The following TCOF1 variants were observed in gnomAD, a reference collection of about 807,000 sequenced individuals.
TCOF1 encodes treacle protein.
In TCOF1, 33 loss-of-function variants were observed where a neutral mutation model predicts 149.0. The ratio of observed to expected loss-of-function variants is 0.22; its 90% CI spans 0.17 to 0.30. TCOF1 has a LOEUF of 0.30. Among genes scored for constraint, TCOF1 ranks in the 10% least tolerant of loss-of-function variants. The probability of loss-of-function intolerance (pLI) is 1.00; values close to 1 mark genes in which losing one functional copy is unlikely to be tolerated. For missense variants in TCOF1, 1,728 were observed against 1,840.7 expected (o/e 0.94, Z 1.12); for synonymous variants, 789 against 738.8 (o/e 1.07, Z -1.10).
chr5:150,392,813 G>A, intron 22 of TCOF1, 23 bp downstream of exon 22: 2 of 1,612,100 alleles, frequency 1.2e-6, no homozygotes, highest in Non-Finnish European at 1.7e-6. Context: ...GAGAGGACTG[G>A]CAGCCCATAG....
chr5:150,379,924 T>G, intron 17 of TCOF1, 192 bp downstream of exon 17: 3 of 614,264 alleles, frequency 4.9e-6, no homozygotes, highest in East Asian at 3.5e-5. Context: ...ATATAAAAAT[T>G]AGCTGGGCAT....
chr5:150,368,217 ACTAATAC>A, intron 4 of TCOF1: 1 of 430,704 alleles, frequency 2.3e-6, no homozygotes, highest in Non-Finnish European at 4.3e-6. Context: ...ACAGATCTTG[ACTAATAC>A]CTGTTATGTT....
chr5:150,371,201 G>A (rs1762449823), intron 6 of TCOF1, among the ~76,000 whole-genome samples: 1 of 152,140 alleles, frequency 6.6e-6, no homozygotes, highest in African/African-American at 2.4e-5. Context: ...TTACTGTGCT[G>A]CCTGGCCCAG....
In TCOF1 at chr5:150,374,744, G is replaced by C. The variant is rs1330741846; in HGVS notation, c.1211G>C (p.Gly404Ala). 6 of 1,613,184 alleles carry C rather than the reference G, an allele frequency of 3.7e-6. No homozygotes were observed. Among genetic ancestry groups the C allele is most frequent in the African/African-American group, 1.3e-5 (1 of 74,594 alleles). Residue 404 changes from glycine (G) to alanine (A), a missense_variant, in exon 9 of 27, where the codon GGG (glycine) becomes GCG (alanine). By Grantham distance (60) the Gly-to-Ala change is moderately conservative. Transcript: ENST00000643257. ...CCTGCAGTTGCCAAGGCCCAGGCGG[G>C]GAAGCGGGAGGAGGACTCGCAGAGC... The part of the protein sequence containing the change: ...TGPAVAKAQA[G>A]KREEDSQSSS...
intron 26 of TCOF1, among the ~76,000 whole-genome samples, chr5:150,399,338 C>T (rs928556660): frequency 6.6e-6 from 1 of 152,062 alleles, no homozygotes; most frequent in Non-Finnish European, 1.5e-5. Flanking sequence ...GGGGGTGTGC[C>T]CTGGGATGGA....
At chr5:150,393,024 G>T in intron 22 of TCOF1, 1 of 605,876 alleles carries the variant, frequency 1.7e-6, no homozygotes, top group South Asian at 1.9e-5. Context: ...CTGTAGAAGG[G>T]ATTGACCTTG....
chr5:150,370,845 G>A (rs944031421), intron 6 of TCOF1, among the ~76,000 whole-genome samples: 4 of 152,190 alleles, frequency 2.6e-5, no homozygotes, highest in Admixed American at 2.6e-4. Context: ...TATGGGGAAA[G>A]TGACACAAGA....
At chr5:150,398,862 G>A (rs1769161618) in intron 25 of TCOF1, among the ~76,000 whole-genome samples, 160 bp from the exon 26 acceptor site, 1 of 152,258 alleles carries the variant, frequency 6.6e-6, no homozygotes, top group Admixed American at 6.5e-5. Context: ...GGCCTCAGCT[G>A]TATTTAGGAG....
intron 18 of TCOF1, 77 bp downstream of exon 18, chr5:150,388,165 C>G: frequency 4.4e-6 from 7 of 1,586,226 alleles, no homozygotes; most frequent in Non-Finnish European, 6.0e-6. Flanking sequence ...GGACAGGACA[C>G]TGGCTGAGTC....
At chr5:150,364,014 C>G (rs1760736579) in intron 2 of TCOF1, 99 bp from the exon 3 acceptor site, 3 of 1,565,636 alleles carry the variant, frequency 1.9e-6, no homozygotes, top group East Asian at 4.5e-5. Flanking sequence ...ATGCACATTG[C>G]CTTTAAGAGC....
At chr5:150,368,285 G>A in intron 4 of TCOF1, 1 of 354,976 alleles carries the variant, frequency 2.8e-6, no homozygotes, top group Non-Finnish European at 5.3e-6. Flanking sequence ...GACATCTGTG[G>A]TTCTGAAACT....
intron 3 of TCOF1, 140 bp downstream of exon 3, chr5:150,364,392 G>A: frequency 3.0e-6 from 4 of 1,312,070 alleles, no homozygotes; most frequent in Non-Finnish European, 3.1e-6. Flanking sequence ...CATATCTTTG[G>A]CAGTATTTGA....
rs540410718 is a variant in TCOF1, at chr5:150,388,949, TAG to T, written c.3046+865_3046+866del. ...TCAAAAAAACAGAAAGCAGGCAAAATAGAGATTACTGCTGGGCATGGTGGTTC... is the reference window on the plus strand; with the variant it reads ...TCAAAAAAACAGAAAGCAGGCAAAATAGATTACTGCTGGGCATGGTGGTTC... On this transcript the variant is annotated intron_variant, in intron 18 of 26. Coordinates refer to ENST00000643257, the MANE Select transcript of TCOF1 (RefSeq NM_001371623.1). 8.4e-4 allele frequency among the ~76,000 whole-genome samples: 128 copies of T among 151,660 alleles called. 1 individual carries two copies. The South Asian group carries it at 0.011, about 13-fold the overall frequency.
At chr5:150,373,757 C>A (rs1419939082) in intron 7 of TCOF1, among the ~76,000 whole-genome samples, 2 of 152,156 alleles carry the variant, frequency 1.3e-5, no homozygotes, top group Non-Finnish European at 2.9e-5. Flanking sequence ...CTTTGCACAC[C>A]CCCTCCCCAC....
intron 14 of TCOF1, among the ~76,000 whole-genome samples, chr5:150,377,069 G>A (rs1763978498): frequency 6.6e-6 from 1 of 152,236 alleles, no homozygotes; most frequent in African/African-American, 2.4e-5. Context: ...TCTGAGCCAT[G>A]GGCTGAAAGA....
intron 24 of TCOF1, 57 bp downstream of exon 24, chr5:150,396,899 G>A (rs887129309): frequency 1.9e-5 from 30 of 1,544,806 alleles, no homozygotes; most frequent in South Asian, 7.2e-5. Flanking sequence ...CCACGGGGGC[G>A]GGAGGGACCC....
intron 17 of TCOF1, chr5:150,383,268 G>T (rs542022453): frequency 2.8e-6 from 3 of 1,086,916 alleles, no homozygotes; most frequent in African/African-American, 1.6e-5. Context: ...GGAAAATCTC[G>T]CCATATTTAA....
rs373354573 is a variant in TCOF1, at chr5:150,385,870, G to GT, written c.2860-2024dup. Reference sequence around the variant, plus strand: ...TGGTTTTGCTGCTTCACTCCCATCAGTTTTTTTTCTAACTGACCCCAGAAC... The same window carrying GT: ...TGGTTTTGCTGCTTCACTCCCATCAGTTTTTTTTTCTAACTGACCCCAGAAC... On this transcript the variant is annotated intron_variant, in intron 17 of 26. Coordinates refer to ENST00000643257, the MANE Select transcript of TCOF1 (RefSeq NM_001371623.1). Among the ~76,000 whole-genome samples, 1,391 of 152,064 alleles carry GT rather than the reference G, an allele frequency of 9.1e-3. 22 individuals carry two copies. The highest frequency in any genetic ancestry group is 0.03 in the African/African-American group (1,264 of 41,468).
At chr5:150,388,675 C>G (rs1223842770) in intron 18 of TCOF1, among the ~76,000 whole-genome samples, 2 of 152,314 alleles carry the variant, frequency 1.3e-5, no homozygotes, top group Admixed American at 1.3e-4. Context: ...CAGTGGCTCA[C>G]GCCTATAATC....
Sources: gnomAD v4.1 joint callset for allele counts (sites outside exome capture counted in the v4.1 genomes callset) on GRCh38, gnomAD v4.1.1 for gene constraint, MANE v1.5 for transcripts, NCBI Gene and HGNC (gene_info 2026-07-23, HGNC 2026-07-21) for gene names.